ACBD6: variants seen among roughly 807,000 people sequenced by gnomAD.
The protein encoded by ACBD6 is acyl-CoA-binding domain-containing protein 6.
In ACBD6, 28 loss-of-function variants were observed where a neutral mutation model predicts 37.2. The observed-to-expected ratio is 0.75, with a 90% CI of 0.56 to 1.03. ACBD6 has a LOEUF of 1.03. ACBD6 is among the 50% of genes least tolerant of loss of function. ACBD6 has a pLI of 0.00. For synonymous variants in ACBD6, 113 were observed against 126.8 expected (o/e 0.89, Z 0.73); for missense variants, 340 against 337.4 (o/e 1.01, Z -0.06).
intron 3 of ACBD6, among the ~76,000 whole-genome samples, chr1:180,463,823 C>G (rs969685205): frequency 6.6e-6 from 1 of 152,146 alleles, no homozygotes; most frequent in Non-Finnish European, 1.5e-5. Flanking sequence ...TACTGGCAAA[C>G]TGAATCCAGC....
chr1:180,334,795 C>G (rs1036827788), intron 6 of ACBD6, among the ~76,000 whole-genome samples: 2 of 152,048 alleles, frequency 1.3e-5, no homozygotes, highest in Non-Finnish European at 2.9e-5. Flanking sequence ...ACTAGAATAA[C>G]CAATGCAGAG....
At chr1:180,461,649 A>T (rs1329575355) in intron 3 of ACBD6, among the ~76,000 whole-genome samples, 1 of 152,218 alleles carries the variant, frequency 6.6e-6, no homozygotes, top group Admixed American at 6.5e-5. Context: ...CTAGAATTTC[A>T]TATCCAACCA....
chr1:180,291,477 T>G (rs745813541), intron 7 of ACBD6, among the ~76,000 whole-genome samples: 1 of 152,208 alleles, frequency 6.6e-6, no homozygotes, highest in Non-Finnish European at 1.5e-5. Flanking sequence ...ACAATGAACA[T>G]TTCTCATGTG....
intron 6 of ACBD6, chr1:180,326,429 C>T (rs1219907021): frequency 6.6e-6 from 1 of 152,370 alleles, no homozygotes; most frequent in East Asian, 1.9e-4. Flanking sequence ...GCAGTGGGCT[C>T]CCCTCTGGCC....
At chr1:180,484,738 A>G (rs894872131) in intron 3 of ACBD6, among the ~76,000 whole-genome samples, 1 of 152,176 alleles carries the variant, frequency 6.6e-6, no homozygotes, top group African/African-American at 2.4e-5. Context: ...ATGTATACGT[A>G]TACATACATA....
At chr1:180,349,286 G>A (rs976089308) in intron 6 of ACBD6, among the ~76,000 whole-genome samples, 16 of 145,176 alleles carry the variant, frequency 1.1e-4, no homozygotes, top group African/African-American at 3.3e-4. Flanking sequence ...TTTTGGAAAC[G>A]TCTCGCTCTG....
At chr1:180,296,955 T>C (rs182469196) in intron 7 of ACBD6, among the ~76,000 whole-genome samples, 361 of 152,050 alleles carry the variant, frequency 2.4e-3, no homozygotes, top group African/African-American at 8.4e-3. Flanking sequence ...TGAAACCCCA[T>C]CTTTACTAAA....
In ACBD6 at chr1:180,390,700, A is replaced by C. The variant is rs189712309; in HGVS notation, c.663+6816T>G. 4.0e-3 allele frequency among the ~76,000 whole-genome samples: 603 copies of C among 152,198 alleles called. 5 individuals carry two copies. The highest frequency in any genetic ancestry group is 0.014 in the African/African-American group (568 of 41,534). On this transcript the variant is annotated intron_variant, in intron 6 of 7. Transcript: ENST00000367595. ...TCATCGAGCAGTGGTTTGTAGTTCT[A>C]CTTGAAGAGGTCCTTCACGTCCCTT... is the stretch of plus-strand genomic sequence containing the variant.
chr1:180,472,717 A>T (rs1201252246), intron 3 of ACBD6, among the ~76,000 whole-genome samples: 1 of 152,220 alleles, frequency 6.6e-6, no homozygotes, highest in Non-Finnish European at 1.5e-5. Flanking sequence ...TTACCAGGAA[A>T]AACACATTCT....
At chr1:180,275,917 A>T (rs1558228794) in intron 9 of ACBD6, 2 of 151,944 alleles carry the variant, frequency 1.3e-5, no homozygotes, top group African/African-American at 4.8e-5. Flanking sequence ...AGCAAGGCCA[A>T]CCCCCGCTTT....
In ACBD6 at chr1:180,440,572, G is replaced by C. The variant is rs536891537; in HGVS notation, c.385-10310C>G. ...ACATATTTGTTATTCCCCCCAAAAA[G>C]CCTTGAACCCACTAAGCAGTCACTC... On this transcript the variant is annotated intron_variant, in intron 3 of 7. Coordinates refer to ENST00000367595, the MANE Select transcript of ACBD6 (RefSeq NM_032360.4). Among the ~76,000 whole-genome samples, 4 of 151,470 alleles carry C rather than the reference G, an allele frequency of 2.6e-5. No homozygotes were observed. The South Asian group carries it at 8.4e-4, about 32-fold the overall frequency.
At chr1:180,394,636 A>G (rs1654196357) in intron 6 of ACBD6, among the ~76,000 whole-genome samples, 1 of 152,212 alleles carries the variant, frequency 6.6e-6, no homozygotes, top group African/African-American at 2.4e-5. Context: ...ATGGAAGAAC[A>G]AGCCCCCAAG....
intron 3 of ACBD6, among the ~76,000 whole-genome samples, chr1:180,469,184 C>T (rs532749796): frequency 6.6e-6 from 1 of 152,098 alleles, no homozygotes; most frequent in African/African-American, 2.4e-5. Flanking sequence ...CAAGAATTAC[C>T]CTGATTGTTT....
Position 180,413,387 on chromosome 1 carries a change from A to G in ACBD6, c.552T>C (p.Asp184=), listed in dbSNP as rs546111233. ...ITKAIKSKNV[D]VNVKDEEGRA... is the part of the protein sequence containing the mutation. ...ATACCTCTTCATCTTTCACATTCAC[A>G]TCCACATTTTTCGATTTGATGGCTT... is the stretch of plus-strand genomic sequence containing the variant. Residue 184 remains aspartate (D), a synonymous_variant, in exon 5 of 8, where the codon GAT becomes GAC. Transcript: ENST00000367595. The G allele has an allele frequency of 2.3e-5, 37 of 1,613,044 alleles. No homozygotes were observed. In the South Asian group the frequency reaches 4.0e-4, roughly 17 times the overall value.
At chr1:180,369,496 G>T (rs1558269546) in intron 6 of ACBD6, among the ~76,000 whole-genome samples, 1 of 152,180 alleles carries the variant, frequency 6.6e-6, no homozygotes, top group Non-Finnish European at 1.5e-5. Flanking sequence ...AGAAATAAAA[G>T]AGAGACACAG....
At chr1:180,469,271 C>A (rs1374292105) in intron 3 of ACBD6, among the ~76,000 whole-genome samples, 1 of 151,948 alleles carries the variant, frequency 6.6e-6, no homozygotes, top group Non-Finnish European at 1.5e-5. Flanking sequence ...TTGCCATACT[C>A]CAAGAATTCA....
At chr1:180,349,530 C>T (rs900283954) in intron 6 of ACBD6, among the ~76,000 whole-genome samples, 9 of 151,936 alleles carry the variant, frequency 5.9e-5, no homozygotes, top group Non-Finnish European at 8.8e-5. Context: ...GCTGGGATTA[C>T]AGGCGTGAGC....
chr1:180,411,220 G>A (rs560760216), intron 5 of ACBD6, among the ~76,000 whole-genome samples: 3 of 152,198 alleles, frequency 2.0e-5, no homozygotes, highest in Non-Finnish European at 2.9e-5. Context: ...CTACTCCGGC[G>A]AAGATGTTGT....
intron 6 of ACBD6, among the ~76,000 whole-genome samples, chr1:180,393,863 T>G (rs1384184948): frequency 1.3e-5 from 2 of 152,210 alleles, no homozygotes; most frequent in African/African-American, 2.4e-5. Context: ...AGGCATATAA[T>G]TCTAACAGAT....
Sources: gnomAD v4.1 joint callset for allele counts (sites outside exome capture counted in the v4.1 genomes callset) on GRCh38, gnomAD v4.1.1 for gene constraint, MANE v1.5 for transcripts, NCBI Gene and HGNC (gene_info 2026-07-23, HGNC 2026-07-21) for gene names.